BCAS3: variants seen among roughly 807,000 people sequenced by gnomAD.
BCAS3 encodes the protein BCAS4/BCAS3 fusion.
In BCAS3, 53 loss-of-function variants were observed where a neutral mutation model predicts 116.1. The observed-to-expected ratio is 0.46, with a 90% CI of 0.37 to 0.57. The LOEUF (loss-of-function observed/expected upper bound fraction) is 0.57. Ranked by LOEUF, BCAS3 falls within the 20% of genes least tolerant of loss-of-function variation. BCAS3 has a pLI of 0.00. For synonymous variants in BCAS3, 391 were observed against 408.2 expected (o/e 0.96, Z 0.51); for missense variants, 917 against 1,165.4 (o/e 0.79, Z 3.10).
At chr17:61,035,681 C>G (rs1433323218) in intron 17 of BCAS3, among the ~76,000 whole-genome samples, 1 of 151,764 alleles carries the variant, frequency 6.6e-6, no homozygotes, top group Non-Finnish European at 1.5e-5. Context: ...ATACAGTAGT[C>G]TCTCCTTATC....
At chr17:60,774,959 T>C in intron 6 of BCAS3, among the ~76,000 whole-genome samples, 1 of 152,364 alleles carries the variant, frequency 6.6e-6, no homozygotes, top group African/African-American at 2.4e-5. Context: ...TCTGATCTGC[T>C]GCAGAGGTTC....
chr17:61,191,780 A>AAAAAGAAAAGAAAAG lies in BCAS3; in HGVS notation c.2425+107231_2425+107245dup, dbSNP rs59158121. 9.9e-3 allele frequency among the ~76,000 whole-genome samples: 1,436 copies of AAAAAGAAAAGAAAAG among 145,702 alleles called. 29 individuals carry two copies. The highest frequency in any genetic ancestry group is 0.034 in the African/African-American group (1,309 of 38,836). On this transcript the variant is annotated intron_variant, in intron 22 of 23. Coordinates refer to ENST00000407086, the MANE Select transcript of BCAS3 (RefSeq NM_017679.5). ...ACAGAGTGAGACTCCGTCTCAAAAA[A>AAAAAGAAAAGAAAAG]AAAAGAAAAGAAAAGAAAAGAAAAG...
At position 61,279,087 on chromosome 17, in the gene BCAS3, C is replaced by T. The variant is rs2051011911; in HGVS notation, c.2426-89240C>T. On this transcript the variant is annotated intron_variant, in intron 22 of 23. Coordinates refer to ENST00000407086, the MANE Select transcript of BCAS3 (RefSeq NM_017679.5). This position sits in a 1 kb window ranked among gnomAD's most constrained non-coding sequence, Gnocchi z 4.4. ...TCAGCCTCTTGAGTAGCTGGGATTACAGGCATGTGCCACCATGCCTGGCTA... is the reference window on the plus strand; with the variant it reads ...TCAGCCTCTTGAGTAGCTGGGATTATAGGCATGTGCCACCATGCCTGGCTA... 6.6e-6 allele frequency among the ~76,000 whole-genome samples: 1 copy of T among 151,822 alleles called. No homozygotes were observed. The highest frequency in any genetic ancestry group is 2.1e-4 in the South Asian group (1 of 4,808).
chr17:61,237,813 C>T (rs149536707), intron 22 of BCAS3, among the ~76,000 whole-genome samples: 3 of 152,176 alleles, frequency 2.0e-5, no homozygotes, highest in Non-Finnish European at 4.4e-5. Context: ...TTGTATTACT[C>T]TCTATTCCTT....
intron 14 of BCAS3, among the ~76,000 whole-genome samples, chr17:60,989,233 T>A (rs1008895492): frequency 6.6e-6 from 1 of 152,180 alleles, no homozygotes; most frequent in African/African-American, 2.4e-5. Flanking sequence ...GAGGCTATGC[T>A]TAAAAATGCT....
At chr17:60,750,044 G>T (rs2042321014) in intron 6 of BCAS3, among the ~76,000 whole-genome samples, 1 of 152,042 alleles carries the variant, frequency 6.6e-6, no homozygotes, top group African/African-American at 2.4e-5. Context: ...GCCAGTGCCT[G>T]TTATTCCAGC....
At chr17:60,849,112 G>A (rs909610518) in intron 7 of BCAS3, among the ~76,000 whole-genome samples, 8 of 152,256 alleles carry the variant, frequency 5.3e-5, no homozygotes, top group Non-Finnish European at 7.4e-5. Flanking sequence ...ACACAAAACC[G>A]TTTTAAGGAA....
intron 22 of BCAS3, among the ~76,000 whole-genome samples, chr17:61,085,822 T>TAA (rs2073049091): frequency 1.3e-5 from 2 of 152,222 alleles, no homozygotes; most frequent in Non-Finnish European, 2.9e-5. Context: ...CTGAGAATGC[T>TAA]AAGAGATTGT....
At chr17:60,900,019 CAA>C (rs2057775905) in intron 10 of BCAS3, 4 of 152,268 alleles carry the variant, frequency 2.6e-5, no homozygotes. Flanking sequence ...AGTTCAGCAT[CAA>C]TATGGTGACC....
chr17:60,783,564 GA>G (rs1276773890), intron 6 of BCAS3, among the ~76,000 whole-genome samples: 6 of 152,196 alleles, frequency 3.9e-5, no homozygotes, highest in Non-Finnish European at 8.8e-5. Flanking sequence ...CTATGTGAGA[GA>G]TCTCTGTACT....
Position 61,355,756 on chromosome 17 carries a change from C to T in BCAS3, c.2426-12571C>T, listed in dbSNP as rs532200209. Among the ~76,000 whole-genome samples, 1 of 152,326 alleles carries T rather than the reference C, an allele frequency of 6.6e-6. No homozygotes were observed. The highest frequency in any genetic ancestry group is 1.5e-5 in the Non-Finnish European group (1 of 68,030). On this transcript the variant is annotated intron_variant, in intron 22 of 23. Coordinates refer to ENST00000407086, the MANE Select transcript of BCAS3 (RefSeq NM_017679.5). The surrounding 1 kb of genome is among the most constrained non-coding windows in gnomAD (Gnocchi z 4.2). ...GTTAGTTATCTTACCTTTCCTGATA[C>T]CTGACCACAGACTAATTATTTGGAA...
At chr17:60,920,543 C>T (rs1372549141) in intron 12 of BCAS3, among the ~76,000 whole-genome samples, 1 of 152,094 alleles carries the variant, frequency 6.6e-6, no homozygotes. Context: ...CATGAGATGC[C>T]ACCTTAACAC....
intron 5 of BCAS3, among the ~76,000 whole-genome samples, chr17:60,729,414 A>C (rs1490875608): frequency 1.3e-5 from 2 of 151,228 alleles, no homozygotes; most frequent in African/African-American, 4.9e-5. Context: ...TCACCTCCAA[A>C]ACAAAAAGAA....
chr17:61,368,575 G>A lies in BCAS3; in HGVS notation c.2593+81G>A. ...GCAGAGCTTCTCTGGAATCGTTTGT[G>A]GGCATATGTTTGTTTTTGCTGTTGG... On this transcript the variant is annotated intron_variant, in intron 23 of 23. Transcript: ENST00000407086. The surrounding 1 kb of genome is among the most constrained non-coding windows in gnomAD (Gnocchi z 6.0). 6.9e-7 allele frequency: 1 copy of A among 1,439,626 alleles called. No homozygotes were observed. Among genetic ancestry groups the A allele is most frequent in the South Asian group, 1.4e-5 (1 of 69,128 alleles). 89.2% of individuals were successfully genotyped at this position (1,439,626 alleles called of 1,614,324 possible). A position where few individuals can be genotyped will look rare whatever the true frequency, so the allele number is the denominator to read the frequency against.
chr17:60,971,129 C>G (rs1305345367), intron 14 of BCAS3, among the ~76,000 whole-genome samples: 2 of 152,138 alleles, frequency 1.3e-5, no homozygotes, highest in East Asian at 1.9e-4. Context: ...TGTGAGTGAT[C>G]CAGATTGTTC....
intron 19 of BCAS3, among the ~76,000 whole-genome samples, chr17:61,044,465 A>AAAAAAAAAAAAATATATATATATATATAT: frequency 8.3e-6 from 1 of 120,114 alleles, no homozygotes; most frequent in Non-Finnish European, 1.5e-5. Context: ...AAAAAAAAAA[A>AAAAAAAAAAAAATATATATATATATATAT]ATATATATAT....
intron 22 of BCAS3, among the ~76,000 whole-genome samples, chr17:61,247,334 G>A (rs1438329613): frequency 1.3e-5 from 2 of 152,038 alleles, no homozygotes; most frequent in Admixed American, 1.3e-4. Context: ...TTCAGGAACC[G>A]TTCAATCAGA....
Position 61,068,680 on chromosome 17 carries a change from C to T in BCAS3, c.2030-6240C>T, listed in dbSNP as rs1363703747. 1.3e-5 allele frequency among the ~76,000 whole-genome samples: 2 copies of T among 152,182 alleles called. No homozygotes were observed. The highest frequency in any genetic ancestry group is 2.1e-4 in the South Asian group (1 of 4,826). ...GCCCAAGATTGAAGACATAAGTTTT[C>T]ACCGCCATTGGTCCCTAAAACTTCT... On this transcript the variant is annotated intron_variant, in intron 19 of 23. Transcript: ENST00000407086. This position sits in a 1 kb window ranked among gnomAD's most constrained non-coding sequence, Gnocchi z 4.3.
At chr17:61,236,224 C>T (rs565132749) in intron 22 of BCAS3, among the ~76,000 whole-genome samples, 2 of 152,274 alleles carry the variant, frequency 1.3e-5, no homozygotes, top group South Asian at 2.1e-4. Context: ...GTGGCATTTT[C>T]GTGGTGTTCT....
Sources: allele counts gnomAD v4.1 joint callset (sites outside exome capture counted in the v4.1 genomes callset), GRCh38; gene constraint gnomAD v4.1.1; non-coding constraint Gnocchi (gnomAD v3.1); transcripts MANE v1.5; gene names NCBI Gene and HGNC (gene_info 2026-07-23, HGNC 2026-07-21).